The following ANKFN1 variants were observed in gnomAD, a reference collection of about 807,000 sequenced individuals.
ANKFN1 encodes the protein ankyrin repeat and fibronectin type III domain containing 1, also known as ankyrin repeat and fibronectin type-III domain-containing protein 1.
In ANKFN1, 74 loss-of-function variants were observed where a neutral mutation model predicts 108.7. The observed-to-expected ratio is 0.68, with a 90% confidence interval of 0.56 to 0.83. The LOEUF (loss-of-function observed/expected upper bound fraction) is 0.83. Ranked by LOEUF, ANKFN1 falls within the 40% of genes least tolerant of loss-of-function variation. The pLI is 0.00. For missense variants in ANKFN1, 1,505 were observed against 1,382.3 expected, an observed-to-expected ratio of 1.09 and a Z score of -1.41; for synonymous variants, 547 against 516.2, an observed-to-expected ratio of 1.06 and a Z score of -0.81.
rs553729413 is a variant in ANKFN1 at position 56,250,211 on chromosome 17, G to C, written c.53+22254G>C. Among the ~76,000 whole-genome samples, 3 of 152,290 alleles carry C rather than the reference G, an allele frequency of 2.0e-5. No homozygotes were observed. The South Asian group carries it at 6.2e-4, about 32-fold the overall frequency. On this transcript the variant is annotated intron_variant, in intron 3 of 20. Transcript: ENST00000682825. ...TTTTACTCTTCATTTAGAATCCAGT[G>C]TTGAGATACACCTATTTAAAACATT...
intron 4 of ANKFN1, among the ~76,000 whole-genome samples, chr17:56,047,941 A>T (rs9303381): frequency 0.064 from 9,731 of 152,210 alleles, 327 homozygotes; most frequent in East Asian, 0.16. Context: ...CTATTAATGC[A>T]TTGCAGAAAC....
intron 1 of ANKFN1, among the ~76,000 whole-genome samples, chr17:56,193,671 A>G (rs921926954): frequency 2.0e-5 from 3 of 152,030 alleles, no homozygotes; most frequent in African/African-American, 7.2e-5. Context: ...AAAGCATAAC[A>G]CTCCCAGAAG....
At chr17:56,048,251 T>A (rs949142216) in intron 4 of ANKFN1, among the ~76,000 whole-genome samples, 1 of 151,930 alleles carries the variant, frequency 6.6e-6, no homozygotes, top group African/African-American at 2.4e-5. Flanking sequence ...GCTTATAGTT[T>A]TTTTCATAAT....
intron 1 of ANKFN1, among the ~76,000 whole-genome samples, chr17:56,189,546 C>G (rs1052887341): frequency 6.6e-6 from 1 of 152,170 alleles, no homozygotes; most frequent in Non-Finnish European, 1.5e-5. Context: ...CACTTTATAG[C>G]CAGTTGGTCA....
At position 56,449,212 on chromosome 17, in the gene ANKFN1, C is replaced by T. The variant is rs144586341; in HGVS notation, c.1207+26C>T. 4.4e-6 allele frequency: 7 copies of T among 1,594,372 alleles called. No homozygotes were observed. The South Asian group carries it at 6.7e-5, about 15-fold the overall frequency. ...GTAAGGATAAAAATCTGTGCTGGGC[C>T]ATCAACTGAGGTCTCGGTGGCGCCG... is the stretch of plus-strand genomic sequence containing the variant. On this transcript the variant is annotated intron_variant, in intron 11 of 20. Transcript: ENST00000682825.
At chr17:56,349,425 A>G (rs1200995560) in intron 4 of ANKFN1, among the ~76,000 whole-genome samples, 1 of 151,960 alleles carries the variant, frequency 6.6e-6, no homozygotes, top group Non-Finnish European at 1.5e-5. Context: ...ATTTAACAAT[A>G]TAATGAAGAT....
chr17:56,252,245 G>GTTA (rs1361045883), intron 3 of ANKFN1: 2 of 152,294 alleles, frequency 1.3e-5, no homozygotes, highest in Admixed American at 1.3e-4. Context: ...AGACCTGGAG[G>GTTA]TAATAAAGTG....
intron 4 of ANKFN1, among the ~76,000 whole-genome samples, chr17:56,347,794 C>T (rs1413180493): frequency 6.6e-6 from 1 of 151,974 alleles, no homozygotes; most frequent in Non-Finnish European, 1.5e-5. Context: ...GAAAGTCAAC[C>T]TATGTTGACT....
intron 3 of ANKFN1, among the ~76,000 whole-genome samples, chr17:56,242,924 A>C (rs1042635190): frequency 1.3e-5 from 2 of 152,006 alleles, no homozygotes; most frequent in Non-Finnish European, 2.9e-5. Context: ...CTCTATGGAG[A>C]TGATGCTATG....
chr17:56,094,474 CTTTTTTT>C (rs60149030), intron 4 of ANKFN1, among the ~76,000 whole-genome samples: 20 of 75,976 alleles, frequency 2.6e-4, no homozygotes, highest in Non-Finnish European at 1.6e-4. Flanking sequence ...GTTGTTTCTT[CTTTTTTT>C]TTTTTTTTTT....
intron 3 of ANKFN1, among the ~76,000 whole-genome samples, chr17:56,302,062 A>G (rs1009214417): frequency 6.6e-6 from 1 of 152,224 alleles, no homozygotes; most frequent in Non-Finnish European, 1.5e-5. Flanking sequence ...TACTGAATCT[A>G]CAGAACTTTA....
At chr17:56,407,636 A>C (rs771306368) in intron 8 of ANKFN1, among the ~76,000 whole-genome samples, 5 of 152,164 alleles carry the variant, frequency 3.3e-5, no homozygotes, top group Non-Finnish European at 5.9e-5. Flanking sequence ...AATTAAAGGG[A>C]ATCCGACCAC....
intron 1 of ANKFN1, among the ~76,000 whole-genome samples, chr17:56,204,230 A>G (rs1914313670): frequency 6.6e-6 from 1 of 152,010 alleles, no homozygotes; most frequent in Admixed American, 6.5e-5. Context: ...TATTTTTAGT[A>G]TACCTGGGGT....
intron 4 of ANKFN1, among the ~76,000 whole-genome samples, chr17:56,143,198 G>T (rs957940509): frequency 2.0e-5 from 3 of 152,176 alleles, no homozygotes; most frequent in African/African-American, 7.2e-5. Flanking sequence ...TAGGCTAGAG[G>T]CTGCACTGTT....
intron 8 of ANKFN1, among the ~76,000 whole-genome samples, chr17:56,434,486 AT>A (rs1291407494): frequency 6.6e-6 from 1 of 152,138 alleles, no homozygotes; most frequent in African/African-American, 2.4e-5. Context: ...GGGAAAAAAA[AT>A]GTTTTTCTAA....
At chr17:56,307,242 T>G (rs193242628) in intron 3 of ANKFN1, among the ~76,000 whole-genome samples, 3 of 152,154 alleles carry the variant, frequency 2.0e-5, no homozygotes, top group East Asian at 3.9e-4. Context: ...CTAATTAAAC[T>G]GAGGAACTTC....
intron 1 of ANKFN1, among the ~76,000 whole-genome samples, chr17:56,201,221 A>G (rs1914026197): frequency 6.6e-6 from 1 of 152,168 alleles, no homozygotes; most frequent in East Asian, 1.9e-4. Flanking sequence ...TCTAGCCAGG[A>G]TGCTCCTCCT....
At position 56,353,908 on chromosome 17, in the gene ANKFN1, T is replaced by G. The variant is rs778034633; in HGVS notation, c.463T>G (p.Tyr155Asp). The G allele has an allele frequency of 6.2e-7, 1 of 1,613,984 alleles. No individual in the cohort carries two copies. The highest frequency in any genetic ancestry group is 1.7e-5 in the Admixed American group (1 of 59,974). Reference sequence around the variant, plus strand: ...CATGGATGCTGTGCAGATCCTCCTGTATCAGTACACACCAGAAGAACTTGA... The same window carrying G: ...CATGGATGCTGTGCAGATCCTCCTGGATCAGTACACACCAGAAGAACTTGA... ...QDMDAVQILL[Y>D]QYTPEELDLN... The change falls in exon 6 of 21, where the codon TAT becomes GAT. Residue 155 changes from tyrosine to aspartate, a missense_variant. Transcript: ENST00000682825.
At chr17:56,389,292 A>C (rs765707755) in intron 8 of ANKFN1, among the ~76,000 whole-genome samples, 52 of 152,218 alleles carry the variant, frequency 3.4e-4, no homozygotes, top group Non-Finnish European at 6.3e-4. Context: ...ACTAAGTAAA[A>C]AAGGCAATCC....
Sources: allele counts gnomAD v4.1 joint callset (sites outside exome capture counted in the v4.1 genomes callset), GRCh38; gene constraint gnomAD v4.1.1; transcripts MANE v1.5; gene names NCBI Gene and HGNC (gene_info 2026-07-23, HGNC 2026-07-21).